The following HS2ST1 variants were observed in gnomAD, a reference collection of about 807,000 sequenced individuals.
HS2ST1 encodes the protein heparan sulfate 2-O-sulfotransferase 1.
Under a neutral mutation model 42.9 loss-of-function variants are expected in HS2ST1, and 18 were observed. The ratio of observed to expected loss-of-function variants is 0.42; its 90% confidence interval spans 0.29 to 0.62. The LOEUF (loss-of-function observed/expected upper bound fraction) is 0.62. HS2ST1 is among the 20% of genes least tolerant of loss of function. The probability of loss-of-function intolerance (pLI) is 0.21; values close to 1 mark genes in which losing one functional copy is unlikely to be tolerated. For synonymous variants in HS2ST1, 146 were observed against 152.9 expected (o/e 0.95, Z 0.33); for missense variants, 334 against 433.8 (o/e 0.77, Z 2.04).
At chr1:87,049,538 G>T (rs1650781486) in intron 1 of HS2ST1, among the ~76,000 whole-genome samples, 2 of 151,882 alleles carry the variant, frequency 1.3e-5, no homozygotes, top group African/African-American at 4.8e-5. Context: ...TGGGTTACTT[G>T]AAGTGTGTTA....
chr1:87,068,858 T>G (rs976513471), intron 1 of HS2ST1, among the ~76,000 whole-genome samples: 9 of 152,188 alleles, frequency 5.9e-5, no homozygotes, highest in South Asian at 2.1e-4. Flanking sequence ...TATTTTTTTA[T>G]TTAAAATTTT....
chr1:86,983,720 G>A (rs1648667028), intron 1 of HS2ST1, among the ~76,000 whole-genome samples: 1 of 151,274 alleles, frequency 6.6e-6, no homozygotes, highest in Non-Finnish European at 1.5e-5. Context: ...GCTCTGGAGA[G>A]GGGACGGGGT....
Position 86,978,890 on chromosome 1 carries a change from GC to G in HS2ST1, c.124+63733del, listed in dbSNP as rs1345837833. ...TTTTTTTTTTTTTTTTTTGAGACAG[GC>G]CCTCACTTTGTCACCCAGGCTGGAG... On this transcript the variant is annotated intron_variant, in intron 1 of 6. Transcript: ENST00000370550. Among the ~76,000 whole-genome samples the G allele has an allele frequency of 1.8e-3, 179 of 101,508 alleles. 3 individuals carry two copies. Among genetic ancestry groups the G allele is most frequent in the Non-Finnish European group, 2.8e-4 (15 of 53,008 alleles). The allele number at this position is 101,508 out of a possible 152,430, so 66.6% of individuals were successfully genotyped here.
intron 1 of HS2ST1, among the ~76,000 whole-genome samples, chr1:87,007,587 T>C (rs1649477418): frequency 6.6e-6 from 1 of 152,140 alleles, no homozygotes; most frequent in South Asian, 2.1e-4. Flanking sequence ...ACCTGTTACT[T>C]TCTACTCATT....
At chr1:87,032,173 C>T (rs1650255696) in intron 1 of HS2ST1, among the ~76,000 whole-genome samples, 1 of 152,100 alleles carries the variant, frequency 6.6e-6, no homozygotes, top group South Asian at 2.1e-4. Flanking sequence ...GCAAATAATT[C>T]ATATGGAAAG....
At chr1:86,978,277 T>C (rs1051641042) in intron 1 of HS2ST1, among the ~76,000 whole-genome samples, 2 of 152,210 alleles carry the variant, frequency 1.3e-5, no homozygotes, top group Admixed American at 1.3e-4. Context: ...CTAATAAAAA[T>C]CTTACAGAAC....
intron 1 of HS2ST1, among the ~76,000 whole-genome samples, chr1:87,018,132 C>CACACACACACACACACACA: frequency 6.7e-6 from 1 of 149,240 alleles, no homozygotes. Flanking sequence ...TAAATAAAAG[C>CACACACACACACACACACA]CACACACACA....
chr1:86,920,113 G>C (rs576189022), intron 1 of HS2ST1, among the ~76,000 whole-genome samples: 1 of 152,120 alleles, frequency 6.6e-6, no homozygotes, highest in Non-Finnish European at 1.5e-5. Context: ...ATTTTCTATA[G>C]GGTTTTAGCA....
chr1:86,949,240 A>T (rs114135081), intron 1 of HS2ST1, among the ~76,000 whole-genome samples: 3 of 151,904 alleles, frequency 2.0e-5, no homozygotes, highest in African/African-American at 2.4e-5. Flanking sequence ...TCCCGAATAG[A>T]TGGGATTACA....
intron 1 of HS2ST1, among the ~76,000 whole-genome samples, chr1:87,058,607 T>G (rs1236513439): frequency 6.6e-6 from 1 of 151,624 alleles, no homozygotes; most frequent in Non-Finnish European, 1.5e-5. Flanking sequence ...ACTTGAAACA[T>G]TAATTACTGT....
At position 87,105,895 on chromosome 1, in the gene HS2ST1, A is replaced by C. The variant is rs1432265358; in HGVS notation, c.*1199A>C. On this transcript the variant is annotated 3_prime_UTR_variant, in exon 7 of 7. Coordinates refer to ENST00000370550, the MANE Select transcript of HS2ST1 (RefSeq NM_012262.4). The stretch of plus-strand genomic sequence containing the variant: ...GGAATGAGTACTGGACAAGGAGTCA[A>C]AAAACTTGATTTCAGGTCCTAGCTC... 1 of 152,494 alleles carries C rather than the reference A, an allele frequency of 6.6e-6. No homozygotes were observed. The highest frequency in any genetic ancestry group is 2.4e-5 in the African/African-American group (1 of 41,440). The allele number at this position is 152,494 out of a possible 1,614,324, so 9.4% of individuals were successfully genotyped here.
At chr1:86,978,315 T>A (rs1416809642) in intron 1 of HS2ST1, among the ~76,000 whole-genome samples, 1 of 152,244 alleles carries the variant, frequency 6.6e-6, no homozygotes, top group Admixed American at 6.5e-5. Context: ...TTTAAGTGAA[T>A]TTTAAGAATT....
intron 1 of HS2ST1, among the ~76,000 whole-genome samples, chr1:86,972,663 C>A (rs529849466): frequency 5.9e-5 from 9 of 152,288 alleles, no homozygotes; most frequent in Admixed American, 2.0e-4. Flanking sequence ...TGGGGCGCAT[C>A]CCCTGGGGAT....
At chr1:86,971,307 A>ACAAAG (rs1648226889) in intron 1 of HS2ST1, among the ~76,000 whole-genome samples, 1 of 152,006 alleles carries the variant, frequency 6.6e-6, no homozygotes, top group African/African-American at 2.4e-5. Context: ...ACAAAACAAA[A>ACAAAG]CAAAACAAAA....
chr1:87,071,400 T>C (rs899926278), intron 1 of HS2ST1, among the ~76,000 whole-genome samples: 7 of 152,162 alleles, frequency 4.6e-5, no homozygotes, highest in Non-Finnish European at 8.8e-5. Flanking sequence ...ATGATAAATA[T>C]AGTGAGACAT....
chr1:87,018,153 C>CACACACACACAG (rs1649817656), intron 1 of HS2ST1, among the ~76,000 whole-genome samples: 1 of 151,248 alleles, frequency 6.6e-6, no homozygotes, highest in Non-Finnish European at 1.5e-5. Context: ...CACACACACA[C>CACACACACACAG]ACACACACAC....
intron 1 of HS2ST1, among the ~76,000 whole-genome samples, chr1:87,012,287 C>A (rs1392090866): frequency 6.6e-6 from 1 of 152,028 alleles, no homozygotes; most frequent in African/African-American, 2.4e-5. Context: ...GTTTAATGAA[C>A]CCACAGTTAC....
chr1:86,921,113 A>T (rs1660283883), intron 1 of HS2ST1, among the ~76,000 whole-genome samples: 1 of 152,232 alleles, frequency 6.6e-6, no homozygotes, highest in African/African-American at 2.4e-5. Context: ...ATCTTGGTAA[A>T]TGTTCCAGGT....
At chr1:87,079,625 CTTAG>C (rs1389253792) in intron 2 of HS2ST1, among the ~76,000 whole-genome samples, 2 of 152,060 alleles carry the variant, frequency 1.3e-5, no homozygotes, top group Non-Finnish European at 2.9e-5. Context: ...AACATATTGC[CTTAG>C]TTAAATGCTG....
Sources: allele counts gnomAD v4.1 joint callset (sites outside exome capture counted in the v4.1 genomes callset), GRCh38; gene constraint gnomAD v4.1.1; transcripts MANE v1.5; gene names NCBI Gene and HGNC (gene_info 2026-07-23, HGNC 2026-07-21).